Variants in FTCDNL1 observed in about 807,000 individuals in gnomAD.
FTCDNL1 encodes the protein formiminotransferase cyclodeaminase N-terminal like, also known as formiminotransferase N-terminal subdomain-containing protein.
A neutral mutation model predicts 5.9 loss-of-function variants in FTCDNL1; 11 were observed. That is an observed-to-expected ratio of 1.87 (90% CI 1.18 to 3.10). FTCDNL1 has a LOEUF of 3.10. FTCDNL1 is among the 30% of genes most tolerant of loss of function. FTCDNL1 has a pLI of 0.00. For synonymous variants in FTCDNL1, 58 were observed against 24.8 expected, an observed-to-expected ratio of 2.34 and a Z score of -3.99; for missense variants, 115 against 65.5, an observed-to-expected ratio of 1.76 and a Z score of -2.61.
At chr2:199,756,771 C>T (rs1177072697), downstream of FTCDNL1, among the ~76,000 whole-genome samples, 4 of 152,166 alleles carry the variant, frequency 2.6e-5, no homozygotes, top group African/African-American at 9.7e-5. Context: ...TTTATTTTTA[C>T]CCATGTTGCA....
At chr2:199,826,614 G>A (rs553439995) in intron 3 of FTCDNL1, among the ~76,000 whole-genome samples, 4 of 152,106 alleles carry the variant, frequency 2.6e-5, no homozygotes, top group African/African-American at 9.7e-5. Context: ...GGCCAACATG[G>A]TGAAGCCCCA....
chr2:199,743,719 C>T, the FTCDNL1 span, among the ~76,000 whole-genome samples: 2 of 151,840 alleles, frequency 1.3e-5, no homozygotes, highest in South Asian at 4.2e-4. Context: ...TGCAGGCCAT[C>T]GTTAATAAAA....
At chr2:199,829,560 G>A (rs542561575) in intron 3 of FTCDNL1, among the ~76,000 whole-genome samples, 10 of 152,196 alleles carry the variant, frequency 6.6e-5, no homozygotes, top group African/African-American at 2.2e-4. Context: ...ACATAATTGT[G>A]GCTAAAATGT....
At chr2:199,674,826 G>A in the FTCDNL1 span, among the ~76,000 whole-genome samples, 2 of 152,102 alleles carry the variant, frequency 1.3e-5, no homozygotes, top group African/African-American at 4.8e-5. Flanking sequence ...TTAGTAGGGA[G>A]GTATTATGGA....
chr2:199,765,550 A>AT (rs1195071962), intron 3 of FTCDNL1, among the ~76,000 whole-genome samples: 2,120 of 52,298 alleles, frequency 0.041, 104 homozygotes, highest in African/African-American at 0.095. Context: ...ATATATATAT[A>AT]TATATATTTT....
the FTCDNL1 span, among the ~76,000 whole-genome samples, chr2:199,665,524 T>G: frequency 1.3e-5 from 2 of 151,594 alleles, no homozygotes; most frequent in African/African-American, 4.9e-5. Context: ...TCCCAACTAT[T>G]CAGGAGGCTG....
At chr2:199,790,823 T>C (rs1271290335) in intron 3 of FTCDNL1, among the ~76,000 whole-genome samples, 1 of 152,146 alleles carries the variant, frequency 6.6e-6, no homozygotes, top group African/African-American at 2.4e-5. Context: ...ACACATGGGA[T>C]AAAGATACAA....
At chr2:199,843,442 T>A (rs1023134748) in intron 3 of FTCDNL1, among the ~76,000 whole-genome samples, 1 of 152,184 alleles carries the variant, frequency 6.6e-6, no homozygotes, top group Non-Finnish European at 1.5e-5. Context: ...CACCCCCCCA[T>A]GCTGAATTTT....
chr2:199,719,513 T>C, the FTCDNL1 span, among the ~76,000 whole-genome samples: 760 of 152,336 alleles, frequency 5.0e-3, 5 homozygotes, highest in Middle Eastern at 0.017. Context: ...ATTCAGGCTA[T>C]TTTTTATTTT....
intron 3 of FTCDNL1, among the ~76,000 whole-genome samples, chr2:199,822,028 T>C (rs1701724585): frequency 6.6e-6 from 1 of 152,180 alleles, no homozygotes. Flanking sequence ...CATATAAAAG[T>C]TATGTTTATA....
intron 3 of FTCDNL1, among the ~76,000 whole-genome samples, chr2:199,790,753 A>G (rs1299145868): frequency 1.3e-5 from 2 of 152,220 alleles, no homozygotes; most frequent in Non-Finnish European, 2.9e-5. Flanking sequence ...ATGAAATTTT[A>G]CTTTACACTT....
intron 4 of FTCDNL1, among the ~76,000 whole-genome samples, chr2:199,813,932 A>AC (rs1195548654): frequency 2.7e-4 from 20 of 74,478 alleles, no homozygotes; most frequent in African/African-American, 9.2e-4. Flanking sequence ...AAAAAAAAAA[A>AC]AAAAAAAAAA....
At chr2:199,768,866 T>C (rs1698668836) in intron 3 of FTCDNL1, among the ~76,000 whole-genome samples, 1 of 152,148 alleles carries the variant, frequency 6.6e-6, no homozygotes, top group Admixed American at 6.5e-5. Context: ...AGGAGCTATT[T>C]AAGTTTGTCT....
At chr2:199,664,884 T>C in the FTCDNL1 span, among the ~76,000 whole-genome samples, 1 of 152,336 alleles carries the variant, frequency 6.6e-6, no homozygotes, top group South Asian at 2.1e-4. Context: ...ACTCGCCTGC[T>C]GCCAATAGCC....
intron 3 of FTCDNL1, among the ~76,000 whole-genome samples, chr2:199,820,983 T>C (rs779034635): frequency 1.3e-5 from 2 of 152,146 alleles, no homozygotes; most frequent in Admixed American, 1.3e-4. Context: ...CTGGCCACAA[T>C]AAGCATAGGA....
At chr2:199,748,548 C>T in the FTCDNL1 span, among the ~76,000 whole-genome samples, 19 of 152,128 alleles carry the variant, frequency 1.2e-4, no homozygotes, top group African/African-American at 4.3e-4. Flanking sequence ...TAAATGGTTC[C>T]TACTTAGTTT....
the FTCDNL1 span, among the ~76,000 whole-genome samples, chr2:199,692,620 G>C: frequency 6.6e-6 from 1 of 152,094 alleles, no homozygotes; most frequent in Non-Finnish European, 1.5e-5. Context: ...GGGCTTCATG[G>C]TCTGCAAGCC....
intron 3 of FTCDNL1, among the ~76,000 whole-genome samples, chr2:199,837,162 G>A (rs1477414650): frequency 6.6e-6 from 1 of 152,164 alleles, no homozygotes; most frequent in East Asian, 1.9e-4. Context: ...TATTCAGCCT[G>A]TGGCAATATG....
At chr2:199,846,868 C>T (rs944377719) in intron 2 of FTCDNL1, among the ~76,000 whole-genome samples, 1 of 152,110 alleles carries the variant, frequency 6.6e-6, no homozygotes, top group African/African-American at 2.4e-5. Context: ...TCTTAAAAGT[C>T]CCCCTTAAGC....
Sources: gnomAD v4.1 joint callset for allele counts (sites outside exome capture counted in the v4.1 genomes callset) on GRCh38, gnomAD v4.1.1 for gene constraint, MANE v1.5 for transcripts, NCBI Gene and HGNC (gene_info 2026-07-23, HGNC 2026-07-21) for gene names.